Variants in COG7 observed in about 807,000 individuals in gnomAD.
COG7 encodes component of oligomeric golgi complex 7.
COG7 carries 49 observed loss-of-function variants against 91.5 expected under a neutral mutation model. The observed-to-expected ratio is 0.54, with a 90% CI of 0.43 to 0.68. The LOEUF (loss-of-function observed/expected upper bound fraction) is 0.68, where lower values mean the gene tolerates loss of function less well. Among genes scored for constraint, COG7 ranks in the 30% least tolerant of loss-of-function variants. The probability of loss-of-function intolerance (pLI) is 0.00; values close to 1 mark genes in which losing one functional copy is unlikely to be tolerated. For missense variants in COG7, 895 were observed against 961.3 expected (o/e 0.93, Z 0.91); for synonymous variants, 365 against 388.7 (o/e 0.94, Z 0.72).
intron 12 of COG7, 33 bp from the exon 13 acceptor site, chr16:23,403,867 G>C (rs1172488000): frequency 1.2e-6 from 2 of 1,613,782 alleles, no homozygotes; most frequent in Non-Finnish European, 1.7e-6. Flanking sequence ...GCAGTTGTTA[G>C]GCCTGAAACC....
intron 4 of COG7, among the ~76,000 whole-genome samples, chr16:23,441,570 G>A (rs1024482675): frequency 1.3e-5 from 2 of 152,010 alleles, no homozygotes; most frequent in South Asian, 2.1e-4. Flanking sequence ...GCGAGACTTC[G>A]TCTTAAAAAA....
chr16:23,424,149 T>TTTGTACAAAATACAAAAATACAAA (rs1963805233), intron 7 of COG7, among the ~76,000 whole-genome samples: 1 of 151,892 alleles, frequency 6.6e-6, no homozygotes, highest in African/African-American at 2.4e-5. Flanking sequence ...AATACAAAAT[T>TTTGTACAAAATACAAAAATACAAA]AGCCAGGCGT....
At chr16:23,404,658 G>A (rs575540563) in intron 12 of COG7, among the ~76,000 whole-genome samples, 9 of 152,146 alleles carry the variant, frequency 5.9e-5, no homozygotes, top group Non-Finnish European at 1.0e-4. Context: ...AGTGGCTCAC[G>A]CCTGTAATCC....
chr16:23,426,650 C>G (rs1413931433), intron 6 of COG7, among the ~76,000 whole-genome samples: 1 of 151,506 alleles, frequency 6.6e-6, no homozygotes, highest in Non-Finnish European at 1.5e-5. Context: ...AAACACTAAA[C>G]TAGGAATAGA....
chr16:23,409,723 A>T (rs1257566032), intron 11 of COG7, among the ~76,000 whole-genome samples: 1 of 152,208 alleles, frequency 6.6e-6, no homozygotes, highest in Non-Finnish European at 1.5e-5. Flanking sequence ...CTGTCTGAGG[A>T]AGGCCACCTC....
intron 14 of COG7, among the ~76,000 whole-genome samples, chr16:23,394,696 A>C (rs78993824): frequency 0.014 from 2,102 of 152,180 alleles, 36 homozygotes; most frequent in African/African-American, 0.047. Context: ...TCGAAAATCT[A>C]CCCAGACCAG....
At chr16:23,421,174 CT>C (rs2142078674) in intron 7 of COG7, among the ~76,000 whole-genome samples, 1 of 151,350 alleles carries the variant, frequency 6.6e-6, no homozygotes, top group African/African-American at 2.4e-5. Context: ...ATTGCATAAT[CT>C]TTTATATTTT....
rs142317097 is a variant in COG7 at position 23,432,667 on chromosome 16, C to T, written c.810+878G>A. Among the ~76,000 whole-genome samples, 1,109 of 152,268 alleles carry T rather than the reference C, an allele frequency of 7.3e-3. 18 individuals are homozygous for T. Among genetic ancestry groups the T allele is most frequent in the African/African-American group, 0.026 (1,067 of 41,550 alleles). ...GAACAACGGTTTAAAACCTTTATGGCTGGAAATGCCTAGAGACTTGAGGAA... is the reference window on the plus strand; with the variant it reads ...GAACAACGGTTTAAAACCTTTATGGTTGGAAATGCCTAGAGACTTGAGGAA... On this transcript the variant is annotated intron_variant, in intron 6 of 16. Transcript: ENST00000307149.
At chr16:23,391,659 G>A (rs77968448) in intron 16 of COG7, among the ~76,000 whole-genome samples, 9,833 of 152,256 alleles carry the variant, frequency 0.065, 461 homozygotes, top group Non-Finnish European at 0.094. Context: ...TCTACCACCC[G>A]CTCTCCTGAC....
intron 6 of COG7, among the ~76,000 whole-genome samples, chr16:23,431,977 T>C (rs1963942495): frequency 6.6e-6 from 1 of 151,922 alleles, no homozygotes; most frequent in Admixed American, 6.6e-5. Context: ...TCCTTATCTC[T>C]ACAAAAAAAA....
chr16:23,437,534 G>T (rs895326172), intron 4 of COG7, among the ~76,000 whole-genome samples: 1 of 152,202 alleles, frequency 6.6e-6, no homozygotes, highest in Non-Finnish European at 1.5e-5. Context: ...GAGGAAGAGA[G>T]GGAATTACAG....
chr16:23,442,368 C>A, intron 4 of COG7, 109 bp downstream of exon 4: 4 of 926,282 alleles, frequency 4.3e-6, no homozygotes, highest in Non-Finnish European at 6.8e-6. Flanking sequence ...AGAGTTCCTT[C>A]TAATCTATGT....
At chr16:23,400,671 C>T (rs1963360189) in intron 13 of COG7, among the ~76,000 whole-genome samples, 1 of 152,096 alleles carries the variant, frequency 6.6e-6, no homozygotes, top group Non-Finnish European at 1.5e-5. Flanking sequence ...TAGGAGGGTG[C>T]TTAAAAAGCA....
chr16:23,413,151 A>T (rs1299682964), intron 10 of COG7: 1 of 360,426 alleles, frequency 2.8e-6, no homozygotes, highest in East Asian at 6.8e-5. Context: ...ACTATACGCT[A>T]AGGTGGGGGT....
chr16:23,445,373 C>T (rs1446682352), intron 2 of COG7, among the ~76,000 whole-genome samples: 1 of 152,104 alleles, frequency 6.6e-6, no homozygotes, highest in African/African-American at 2.4e-5. Flanking sequence ...TTTCGGGGAG[C>T]CAGGCACAGT....
chr16:23,446,417 TC>T, intron 1 of COG7: 1 of 176,216 alleles, frequency 5.7e-6, no homozygotes, highest in South Asian at 1.3e-4. Context: ...CTCAGATAGG[TC>T]TGGCCCCAAT....
Position 23,405,973 on chromosome 16 carries a change from C to T in COG7, c.1662+103G>A, listed in dbSNP as rs564041933. ...GAGGTAGTAGCAGGGTACGTCACAG[C>T]CCAGGGCCACACACAGGGCCCGCCT... On this transcript the variant is annotated intron_variant, in intron 12 of 16. Transcript: ENST00000307149. The T allele has an allele frequency of 1.8e-4, 186 of 1,015,728 alleles. No individual in the cohort carries two copies. The African/African-American group carries it at 2.5e-3, about 14-fold the overall frequency. The allele number at this position is 1,015,728 out of a possible 1,614,324, so 62.9% of individuals were successfully genotyped here. A position where few individuals can be genotyped will look rare whatever the true frequency, so the allele number is the denominator to read the frequency against.
intron 10 of COG7, 99 bp downstream of exon 10, chr16:23,413,349 G>C: frequency 1.3e-6 from 1 of 788,336 alleles, no homozygotes; most frequent in Non-Finnish European, 2.3e-6. Flanking sequence ...GAAAAAAAAC[G>C]AACCCCTTCC....
At chr16:23,422,213 G>A (rs1337071707) in intron 7 of COG7, among the ~76,000 whole-genome samples, 1 of 152,004 alleles carries the variant, frequency 6.6e-6, no homozygotes, top group African/African-American at 2.4e-5. Context: ...TCAGGAGACT[G>A]AGTTCAGAGA....
Sources: gnomAD v4.1 joint callset for allele counts (sites outside exome capture counted in the v4.1 genomes callset) on GRCh38, gnomAD v4.1.1 for gene constraint, MANE v1.5 for transcripts, NCBI Gene and HGNC (gene_info 2026-07-23, HGNC 2026-07-21) for gene names.